Variants in NALF1 observed in about 807,000 individuals in gnomAD.
NALF1 encodes the protein NALCN channel auxiliary factor 1, also known as family with sequence similarity 155 member A.
In NALF1, 3 loss-of-function variants were observed where a neutral mutation model predicts 48.4. The observed-to-expected ratio is 0.06, with a 90% CI of 0.03 to 0.16. The LOEUF (loss-of-function observed/expected upper bound fraction) is 0.16. NALF1 is among the 10% of genes least tolerant of loss of function. NALF1 has a pLI of 1.00. For synonymous variants in NALF1, 262 were observed against 245.7 expected (o/e 1.07, Z -0.62); for missense variants, 526 against 571.5 (o/e 0.92, Z 0.81).
At chr13:107,177,257 A>C (rs1019674550) in intron 2 of NALF1, among the ~76,000 whole-genome samples, 3 of 152,248 alleles carry the variant, frequency 2.0e-5, no homozygotes, top group African/African-American at 7.2e-5. Flanking sequence ...CATGGATTGG[A>C]AGAATCAGTA....
chr13:107,345,120 G>T (rs946186592), intron 1 of NALF1, among the ~76,000 whole-genome samples: 9 of 151,650 alleles, frequency 5.9e-5, no homozygotes, highest in African/African-American at 2.2e-4. Flanking sequence ...CACAAGACTT[G>T]TACACTGACA....
intron 1 of NALF1, among the ~76,000 whole-genome samples, chr13:107,839,402 T>G (rs1879986276): frequency 6.7e-6 from 1 of 149,690 alleles, no homozygotes; most frequent in Admixed American, 6.7e-5. Context: ...ACTTATTATT[T>G]TATATACAGA....
intron 1 of NALF1, among the ~76,000 whole-genome samples, chr13:107,765,226 G>A (rs965566668): frequency 9.2e-5 from 14 of 152,166 alleles, no homozygotes; most frequent in Non-Finnish European, 1.0e-4. Flanking sequence ...TTTCAGCTTT[G>A]TTGTGTTAAT....
intron 1 of NALF1, among the ~76,000 whole-genome samples, chr13:107,568,782 T>C (rs1475139525): frequency 1.3e-5 from 2 of 152,248 alleles, no homozygotes; most frequent in African/African-American, 4.8e-5. Context: ...TGAGTATTTT[T>C]AACTGGATTT....
intron 1 of NALF1, among the ~76,000 whole-genome samples, chr13:107,578,563 C>T (rs9587405): frequency 5.8e-4 from 88 of 152,242 alleles, no homozygotes; most frequent in African/African-American, 2.1e-3. Flanking sequence ...ATCATTCTGG[C>T]ATTTAATTCA....
At chr13:107,469,960 G>A (rs1022439460) in intron 1 of NALF1, among the ~76,000 whole-genome samples, 3 of 151,564 alleles carry the variant, frequency 2.0e-5, no homozygotes, top group African/African-American at 7.3e-5. Context: ...AGCCAGGATG[G>A]TCTCGATCTC....
chr13:107,392,081 T>C (rs2138983795), intron 1 of NALF1, among the ~76,000 whole-genome samples: 1 of 152,244 alleles, frequency 6.6e-6, no homozygotes, highest in African/African-American at 2.4e-5. Context: ...TCGAACTTTA[T>C]TTGAAATTGT....
chr13:107,841,794 C>A (rs112172131), intron 1 of NALF1, among the ~76,000 whole-genome samples: 1 of 151,734 alleles, frequency 6.6e-6, no homozygotes, highest in Non-Finnish European at 1.5e-5. Flanking sequence ...TCAAAATGTA[C>A]GCCTTTTTTT....
chr13:107,325,604 G>A (rs1213862415), intron 1 of NALF1, among the ~76,000 whole-genome samples: 1 of 151,938 alleles, frequency 6.6e-6, no homozygotes, highest in East Asian at 1.9e-4. Context: ...TTGGGAGGCT[G>A]AGGCGGGTAG....
At chr13:107,648,152 G>C (rs1179956328) in intron 1 of NALF1, among the ~76,000 whole-genome samples, 2 of 152,070 alleles carry the variant, frequency 1.3e-5, no homozygotes, top group Admixed American at 1.3e-4. Context: ...CACTACATTT[G>C]TTACAACCGA....
rs71686285 is a variant in NALF1 at position 107,839,683 on chromosome 13, G to GAA, written c.915+25997_915+25998dup. Among the ~76,000 whole-genome samples the GAA allele has an allele frequency of 2.7e-5, 4 of 147,814 alleles. No individual in the cohort carries two copies. In the East Asian group the frequency reaches 6.2e-4, roughly 23 times the overall value. ...GTGGGGAAAATGTGGTCCTGCATAA[G>GAA]AAAAAAAAACTCTTAAGTATTATTT... On this transcript the variant is annotated intron_variant, in intron 1 of 2. Transcript: ENST00000375915.
intron 1 of NALF1, among the ~76,000 whole-genome samples, chr13:107,497,795 C>T (rs78015258): frequency 1.5e-3 from 227 of 152,308 alleles, no homozygotes; most frequent in African/African-American, 5.3e-3. Context: ...ATGCTTACAG[C>T]TCCTCTGGTA....
At chr13:107,505,822 G>C (rs1027031044) in intron 1 of NALF1, among the ~76,000 whole-genome samples, 1 of 152,114 alleles carries the variant, frequency 6.6e-6, no homozygotes, top group African/African-American at 2.4e-5. Context: ...CCATATTATT[G>C]TGAGAATTAT....
At chr13:107,569,279 C>A (rs112701446) in intron 1 of NALF1, among the ~76,000 whole-genome samples, 14,503 of 151,716 alleles carry the variant, frequency 0.096, 1,033 homozygotes, top group Admixed American at 0.18. Context: ...ACCATCCTGG[C>A]CAACACGGTG....
At chr13:107,695,888 C>G (rs986137782) in intron 1 of NALF1, among the ~76,000 whole-genome samples, 2 of 123,168 alleles carry the variant, frequency 1.6e-5, no homozygotes, top group African/African-American at 6.2e-5. Context: ...TATGTTTGCT[C>G]ATCTATATTC....
chr13:107,574,643 T>C (rs1334969110), intron 1 of NALF1, among the ~76,000 whole-genome samples: 2 of 152,152 alleles, frequency 1.3e-5, no homozygotes. Flanking sequence ...GGCTCAAAGA[T>C]AAAATTGAGT....
At chr13:107,221,951 T>C (rs186803182) in intron 1 of NALF1, among the ~76,000 whole-genome samples, 60 of 152,310 alleles carry the variant, frequency 3.9e-4, no homozygotes, top group African/African-American at 1.3e-3. Flanking sequence ...CTGCTCTCCA[T>C]AGCTCAAAGA....
intron 1 of NALF1, among the ~76,000 whole-genome samples, chr13:107,370,014 C>G (rs184509147): frequency 6.6e-6 from 1 of 152,132 alleles, no homozygotes; most frequent in African/African-American, 2.4e-5. Flanking sequence ...GAGAAAAACT[C>G]GTCATGGAAA....
At chr13:107,689,259 C>T (rs144119433) in intron 1 of NALF1, among the ~76,000 whole-genome samples, 16 of 152,328 alleles carry the variant, frequency 1.1e-4, no homozygotes, top group African/African-American at 3.6e-4. Context: ...CCTCTTCCAA[C>T]GACCTTGTCT....
Sources: gnomAD v4.1 joint callset for allele counts (sites outside exome capture counted in the v4.1 genomes callset) on GRCh38, gnomAD v4.1.1 for gene constraint, MANE v1.5 for transcripts, NCBI Gene and HGNC (gene_info 2026-07-23, HGNC 2026-07-21) for gene names.